The following TRMT11 variants were observed in gnomAD, a reference collection of about 807,000 sequenced individuals.
TRMT11 encodes tRNA methyltransferase 11, also known as tRNA (guanine(10)-N(2))-methyltransferase TRMT11.
A neutral mutation model predicts 62.8 loss-of-function variants in TRMT11; 53 were observed. The ratio of observed to expected loss-of-function variants is 0.84; its 90% CI spans 0.68 to 1.06. The LOEUF is 1.06. Ranked by LOEUF, TRMT11 falls within the 50% of genes least tolerant of loss-of-function variation. The probability of loss-of-function intolerance (pLI) is 0.00; values close to 1 mark genes in which losing one functional copy is unlikely to be tolerated. For missense variants in TRMT11, 556 were observed against 553.4 expected, an observed-to-expected ratio of 1.00 and a Z score of -0.05; for synonymous variants, 188 against 190.3, an observed-to-expected ratio of 0.99 and a Z score of 0.10.
At chr6:126,014,613 T>C (rs1794716710) in intron 11 of TRMT11, among the ~76,000 whole-genome samples, 1 of 152,260 alleles carries the variant, frequency 6.6e-6, no homozygotes, top group Non-Finnish European at 1.5e-5. Flanking sequence ...AGATTGGTAG[T>C]CCCTCAGGCT....
intron 17 of TRMT11, among the ~76,000 whole-genome samples, chr6:126,088,207 T>C (rs1293978571): frequency 1.3e-5 from 2 of 152,114 alleles, no homozygotes; most frequent in East Asian, 3.8e-4. Context: ...TAAATTGAAT[T>C]AAATTTTATG....
At chr6:126,191,734 T>G (rs1158945923) in intron 1 of TRMT11, among the ~76,000 whole-genome samples, 1 of 152,106 alleles carries the variant, frequency 6.6e-6, no homozygotes, top group Non-Finnish European at 1.5e-5. Flanking sequence ...TTGGTACTTT[T>G]GTCAAAAATG....
Position 126,021,215 on chromosome 6 carries a change from GAGCAGA to G in TRMT11, c.1199_1204del (p.Gln400_Lys401del). Reference sequence around the variant, plus strand: ...TTGCCTGGAACTCGTTAGCAACTGCGAGCAGAAGCTTTCCAGTCACACATCAAGGCG... The same window carrying G: ...TTGCCTGGAACTCGTTAGCAACTGCGAGCTTTCCAGTCACACATCAAGGCG... On this transcript the variant is annotated inframe_deletion, in exon 12 of 13. Coordinates refer to ENST00000334379, the MANE Select transcript of TRMT11 (RefSeq NM_001031712.3). The G allele has an allele frequency of 6.2e-7, 1 of 1,614,184 alleles. No individual in the cohort carries two copies. Among genetic ancestry groups the G allele is most frequent in the Non-Finnish European group, 8.5e-7 (1 of 1,180,012 alleles).
intron 21 of TRMT11, among the ~76,000 whole-genome samples, chr6:126,137,637 A>C (rs1436437741): frequency 2.0e-5 from 3 of 151,894 alleles, no homozygotes; most frequent in Non-Finnish European, 4.4e-5. Context: ...AAAAGAGAGG[A>C]AATAAGTATG....
intron 21 of TRMT11, among the ~76,000 whole-genome samples, chr6:126,146,579 G>T (rs953254864): frequency 6.6e-6 from 1 of 151,260 alleles, no homozygotes; most frequent in Non-Finnish European, 1.5e-5. Flanking sequence ...GTGCAATAGC[G>T]TGATCTCGGC....
chr6:126,218,090 C>G, the TRMT11 span, among the ~76,000 whole-genome samples: 1 of 152,176 alleles, frequency 6.6e-6, no homozygotes, highest in Non-Finnish European at 1.5e-5. Context: ...AAGGCCCAGT[C>G]AACACGAGAT....
intron 1 of TRMT11, among the ~76,000 whole-genome samples, chr6:126,192,134 A>C (rs1186416075): frequency 1.3e-5 from 2 of 152,092 alleles, no homozygotes; most frequent in African/African-American, 4.8e-5. Flanking sequence ...TCAGTGTTTT[A>C]TAGCTTTTCT....
chr6:126,225,563 C>A, the TRMT11 span, among the ~76,000 whole-genome samples: 3 of 152,006 alleles, frequency 2.0e-5, no homozygotes, highest in African/African-American at 7.3e-5. Flanking sequence ...TCTAGTCCAC[C>A]ATCTTGGCTC....
intron 11 of TRMT11, among the ~76,000 whole-genome samples, chr6:126,018,611 T>G (rs546338614): frequency 1.8e-4 from 28 of 151,492 alleles, no homozygotes; most frequent in East Asian, 1.6e-3. Context: ...CCCCGAGAAG[T>G]ACCCCACAGA....
rs143030422 is a variant in TRMT11 at position 126,090,736 on chromosome 6, C to T, written c.*1438-22130C>T. ...ACTGGTTCATTCTGACATTCATTTG[C>T]GGCATTTCCATGACTGAAATAACCA... is the stretch of plus-strand genomic sequence containing the variant. On this transcript the variant is annotated intron_variant and NMD_transcript_variant, in intron 17 of 22. Coordinates refer to the TRMT11 transcript ENST00000648977. Among the ~76,000 whole-genome samples, 73 of 152,222 alleles carry T rather than the reference C, an allele frequency of 4.8e-4. No individual in the cohort carries two copies. The East Asian group carries it at 4.8e-3, about 10-fold the overall frequency.
chr6:126,017,357 G>C (rs117462194), intron 11 of TRMT11, among the ~76,000 whole-genome samples: 16 of 152,288 alleles, frequency 1.1e-4, no homozygotes, highest in African/African-American at 3.6e-4. Flanking sequence ...AAAATACTGC[G>C]TAAAAGCTTA....
At chr6:126,186,044 C>T (rs1778523491) in intron 1 of TRMT11, among the ~76,000 whole-genome samples, 1 of 152,124 alleles carries the variant, frequency 6.6e-6, no homozygotes, top group Admixed American at 6.6e-5. Context: ...ATATCACCCT[C>T]CATAATGATA....
At chr6:126,070,429 C>G (rs537251867) in intron 17 of TRMT11, among the ~76,000 whole-genome samples, 1 of 152,290 alleles carries the variant, frequency 6.6e-6, no homozygotes, top group Non-Finnish European at 1.5e-5. Context: ...AAAAATGACT[C>G]TCAGATTTTA....
the TRMT11 span, among the ~76,000 whole-genome samples, chr6:126,261,884 G>A: frequency 6.6e-6 from 1 of 152,174 alleles, no homozygotes; most frequent in South Asian, 2.1e-4. Context: ...TGGGATAGCT[G>A]TGAGACTGAG....
intron 17 of TRMT11, among the ~76,000 whole-genome samples, chr6:126,105,722 G>C (rs1777457514): frequency 6.6e-6 from 1 of 152,046 alleles, no homozygotes; most frequent in Non-Finnish European, 1.5e-5. Context: ...TTTCAATATG[G>C]AGAGTTAGCT....
At chr6:126,192,476 A>G (rs1394028081) in intron 1 of TRMT11, among the ~76,000 whole-genome samples, 1 of 152,092 alleles carries the variant, frequency 6.6e-6, no homozygotes, top group Admixed American at 6.5e-5. Flanking sequence ...TTCTAGTACT[A>G]CATTGAATAA....
At chr6:126,266,699 A>G in the TRMT11 span, among the ~76,000 whole-genome samples, 24 of 152,322 alleles carry the variant, frequency 1.6e-4, no homozygotes, top group African/African-American at 4.6e-4. Context: ...GCAAGTCAAT[A>G]TCGTCTGGAA....
chr6:126,124,268 C>T (rs1310258979), intron 21 of TRMT11, among the ~76,000 whole-genome samples: 1 of 152,092 alleles, frequency 6.6e-6, no homozygotes, highest in African/African-American at 2.4e-5. Context: ...CCGTTAGTTT[C>T]TCTGGAGAGG....
intron 17 of TRMT11, among the ~76,000 whole-genome samples, chr6:126,102,965 A>G (rs1325135018): frequency 6.6e-6 from 1 of 152,218 alleles, no homozygotes; most frequent in African/African-American, 2.4e-5. Context: ...ATAATTGTTC[A>G]TCCCATAGAG....
Sources: allele counts gnomAD v4.1 joint callset (sites outside exome capture counted in the v4.1 genomes callset), GRCh38; gene constraint gnomAD v4.1.1; transcripts MANE v1.5; gene names NCBI Gene and HGNC (gene_info 2026-07-23, HGNC 2026-07-21).